NRG3: variants seen among roughly 807,000 people sequenced by gnomAD.
NRG3 encodes neuregulin 3, also known as pro-neuregulin-3, membrane-bound isoform.
Under a neutral mutation model 66.9 loss-of-function variants are expected in NRG3, and 31 were observed. The observed-to-expected ratio is 0.46, with a 90% confidence interval of 0.35 to 0.63. NRG3 has a LOEUF of 0.63. NRG3 is among the 20% of genes least tolerant of loss of function. NRG3 has a pLI of 0.00. For synonymous variants in NRG3, 393 were observed against 359.4 expected (o/e 1.09, Z -1.06); for missense variants, 910 against 878.9 (o/e 1.04, Z -0.45).
At chr10:82,648,522 T>G (rs1216552809) in intron 2 of NRG3, among the ~76,000 whole-genome samples, 1 of 152,076 alleles carries the variant, frequency 6.6e-6, no homozygotes, top group Non-Finnish European at 1.5e-5. Flanking sequence ...CTTTAAAGTG[T>G]TTTTTTCCAA....
chr10:82,807,857 T>G (rs1473632247), intron 3 of NRG3, among the ~76,000 whole-genome samples: 1 of 152,178 alleles, frequency 6.6e-6, no homozygotes, highest in Non-Finnish European at 1.5e-5. Context: ...TTTCATTTAT[T>G]TTTTCACAAA....
intron 3 of NRG3, among the ~76,000 whole-genome samples, chr10:82,808,071 C>T (rs2061357118): frequency 2.0e-5 from 3 of 152,134 alleles, no homozygotes; most frequent in Admixed American, 1.3e-4. Context: ...GTTACCCTTT[C>T]TGTGTTGTGA....
At chr10:82,530,870 G>T (rs1847181664) in intron 2 of NRG3, among the ~76,000 whole-genome samples, 1 of 151,786 alleles carries the variant, frequency 6.6e-6, no homozygotes, top group Admixed American at 6.6e-5. Flanking sequence ...ACATCAATTT[G>T]AGAAGGCCTA....
At chr10:82,030,706 A>T (rs2062529823) in intron 1 of NRG3, among the ~76,000 whole-genome samples, 2 of 151,774 alleles carry the variant, frequency 1.3e-5, no homozygotes, top group African/African-American at 4.8e-5. Flanking sequence ...TTGGAAAAAA[A>T]AAAAAGGGAC....
At chr10:82,081,734 G>T (rs1423630432) in intron 1 of NRG3, among the ~76,000 whole-genome samples, 1 of 152,174 alleles carries the variant, frequency 6.6e-6, no homozygotes, top group Non-Finnish European at 1.5e-5. Flanking sequence ...TAATTTGGAG[G>T]CACAGAGAAA....
chr10:82,480,551 C>T (rs1382839223), intron 2 of NRG3, among the ~76,000 whole-genome samples: 2 of 152,106 alleles, frequency 1.3e-5, no homozygotes, highest in Non-Finnish European at 2.9e-5. Flanking sequence ...TTGGTAATAA[C>T]TCCCCAAATC....
At chr10:82,964,940 T>TTTC (rs1218699291) in intron 6 of NRG3, among the ~76,000 whole-genome samples, 1 of 152,172 alleles carries the variant, frequency 6.6e-6, no homozygotes, top group Non-Finnish European at 1.5e-5. Flanking sequence ...GGCCTATTGA[T>TTTC]TTCGGTGCAC....
intron 2 of NRG3, among the ~76,000 whole-genome samples, chr10:82,712,187 G>C (rs1463918358): frequency 1.0e-5 from 1 of 99,732 alleles, no homozygotes; most frequent in African/African-American, 3.7e-5. Flanking sequence ...TTGGAATAGA[G>C]GAAAAATAGG....
At chr10:82,665,303 G>C (rs1247541477) in intron 2 of NRG3, among the ~76,000 whole-genome samples, 1 of 152,128 alleles carries the variant, frequency 6.6e-6, no homozygotes, top group African/African-American at 2.4e-5. Flanking sequence ...TATTCTTTGA[G>C]ATACAACATA....
intron 1 of NRG3, among the ~76,000 whole-genome samples, chr10:81,902,610 A>G (rs1844184593): frequency 6.6e-6 from 1 of 152,164 alleles, no homozygotes; most frequent in Non-Finnish European, 1.5e-5. Flanking sequence ...TTCCCTGCCT[A>G]TAGAATAATG....
chr10:82,974,637 G>A (rs959702218), intron 7 of NRG3, among the ~76,000 whole-genome samples: 21 of 152,126 alleles, frequency 1.4e-4, no homozygotes, highest in Non-Finnish European at 2.9e-4. Context: ...GAAGTTGTCC[G>A]AAGACTTAAG....
intron 1 of NRG3, among the ~76,000 whole-genome samples, chr10:82,297,739 G>GTATACA (rs1177643698): frequency 6.6e-6 from 1 of 151,978 alleles, no homozygotes; most frequent in African/African-American, 2.4e-5. Context: ...TATATATTAA[G>GTATACA]TATACATATG....
At chr10:82,308,386 G>C (rs1468874983) in intron 1 of NRG3, among the ~76,000 whole-genome samples, 1 of 152,088 alleles carries the variant, frequency 6.6e-6, no homozygotes, top group Non-Finnish European at 1.5e-5. Flanking sequence ...ACCATGCCCA[G>C]CCAGAAGGCC....
At position 82,931,068 on chromosome 10, in the gene NRG3, G is replaced by C. The variant is rs75553895; in HGVS notation, c.1055-20401G>C. Among the ~76,000 whole-genome samples, 1,265 of 152,164 alleles carry C rather than the reference G, an allele frequency of 8.3e-3. 21 individuals are homozygous for C. The highest frequency in any genetic ancestry group is 0.029 in the African/African-American group (1,222 of 41,514). On this transcript the variant is annotated intron_variant, in intron 4 of 8. Transcript: ENST00000372141. The stretch of plus-strand genomic sequence containing the variant: ...ACTCACAGGTTAAGACAGGCCCAGG[G>C]CATGAAGGACAAGCAGCCACTGCAC...
intron 1 of NRG3, among the ~76,000 whole-genome samples, chr10:81,993,112 A>G (rs2060803601): frequency 6.6e-6 from 1 of 152,156 alleles, no homozygotes. Context: ...ACTAAGAATG[A>G]TTGATATCAC....
intron 3 of NRG3, among the ~76,000 whole-genome samples, chr10:82,762,606 T>C (rs769470960): frequency 2.0e-5 from 3 of 152,224 alleles, no homozygotes; most frequent in Non-Finnish European, 4.4e-5. Flanking sequence ...TACATTTGCA[T>C]GCATGCCTGT....
intron 1 of NRG3, among the ~76,000 whole-genome samples, chr10:82,015,913 G>A (rs2061767026): frequency 6.6e-6 from 1 of 151,418 alleles, no homozygotes; most frequent in Non-Finnish European, 1.5e-5. Context: ...TGATGAACAT[G>A]AAGCCAGGCA....
chr10:81,894,914 T>C (rs1843381474), intron 1 of NRG3, among the ~76,000 whole-genome samples: 2 of 152,304 alleles, frequency 1.3e-5, no homozygotes, highest in East Asian at 1.9e-4. Flanking sequence ...ACCCAGTGCA[T>C]GCCAGGGGCT....
chr10:81,932,831 A>G (rs1847499827), intron 1 of NRG3, among the ~76,000 whole-genome samples: 1 of 152,116 alleles, frequency 6.6e-6, no homozygotes, highest in Admixed American at 6.6e-5. Flanking sequence ...CTTTCTGGTC[A>G]GGCACGGTGG....
Sources: gnomAD v4.1 joint callset for allele counts (sites outside exome capture counted in the v4.1 genomes callset) on GRCh38, gnomAD v4.1.1 for gene constraint, MANE v1.5 for transcripts, NCBI Gene and HGNC (gene_info 2026-07-23, HGNC 2026-07-21) for gene names.